The following NRG2 variants were observed in gnomAD, a reference collection of about 807,000 sequenced individuals.
The protein encoded by NRG2 is neuregulin 2, also known as pro-neuregulin-2, membrane-bound isoform.
In NRG2, 27 loss-of-function variants were observed where a neutral mutation model predicts 73.9. The ratio of observed to expected loss-of-function variants is 0.37; its 90% CI spans 0.27 to 0.50. The LOEUF (loss-of-function observed/expected upper bound fraction) is 0.50. Ranked by LOEUF, NRG2 falls within the 20% of genes least tolerant of loss-of-function variation. The pLI, the probability that NRG2 is intolerant of heterozygous loss-of-function variation, is 0.96. For synonymous variants in NRG2, 532 were observed against 541.0 expected, an observed-to-expected ratio of 0.98 and a Z score of 0.23; for missense variants, 1,126 against 1,210.1, an observed-to-expected ratio of 0.93 and a Z score of 1.03.
At chr5:139,990,273 A>ATATTT (rs56983805) in intron 1 of NRG2, among the ~76,000 whole-genome samples, 7,571 of 145,894 alleles carry the variant, frequency 0.052, 247 homozygotes, top group Admixed American at 0.073. Flanking sequence ...CCCACTAGCA[A>ATATTT]TATTTTATTT....
rs1759142301 is a variant in NRG2, at chr5:140,008,953, G to A, written c.700+33417C>T. 6.6e-6 allele frequency among the ~76,000 whole-genome samples: 1 copy of A among 152,200 alleles called. No homozygotes were observed. Among genetic ancestry groups the A allele is most frequent in the African/African-American group, 2.4e-5 (1 of 41,446 alleles). ...ACCTCCCAGGGTTGTTGCAAGGACTGAGTGAGAGACAAAACAATTACACAG... is the reference window on the plus strand; with the variant it reads ...ACCTCCCAGGGTTGTTGCAAGGACTAAGTGAGAGACAAAACAATTACACAG... On this transcript the variant is annotated intron_variant, in intron 1 of 9. Transcript: ENST00000361474. The surrounding 1 kb of genome is among the most constrained non-coding windows in gnomAD (Gnocchi z 4.2).
At chr5:139,848,779 G>GGGGGGGC in intron 9 of NRG2, 82 bp from the exon 10 acceptor site, 3 of 198,602 alleles carry the variant, frequency 1.5e-5, no homozygotes, top group Non-Finnish European at 2.0e-5. Flanking sequence ...GGTAGGGTGG[G>GGGGGGGC]AGGGGCGGAC....
chr5:139,981,187 G>A (rs1223886488), intron 1 of NRG2, among the ~76,000 whole-genome samples: 2 of 152,202 alleles, frequency 1.3e-5, no homozygotes, highest in Admixed American at 6.5e-5. Flanking sequence ...AGTGCAGAGC[G>A]ATTGCTCACA....
chr5:139,883,513 G>A (rs1043546703), intron 2 of NRG2, among the ~76,000 whole-genome samples: 1 of 152,112 alleles, frequency 6.6e-6, no homozygotes, highest in African/African-American at 2.4e-5. Context: ...TCTGAGGAGG[G>A]GTCTCTACAG....
rs1473400791 is a variant in NRG2, at chr5:139,856,172, A to G, written c.1190-394T>C. 2 of 218,526 alleles carry G rather than the reference A, an allele frequency of 9.2e-6. No individual in the cohort carries two copies. The highest frequency in any genetic ancestry group is 4.4e-5 in the African/African-American group (2 of 45,528). 13.5% of individuals were successfully genotyped at this position (218,526 alleles called of 1,614,324 possible). A position where few individuals can be genotyped will look rare whatever the true frequency, so the allele number is the denominator to read the frequency against. ...CTGCCCTGCTCCACAGTGGCCTGGT[A>G]GCTGCAAAGAACCTTGGTGGGCCAA... On this transcript the variant is annotated intron_variant, in intron 5 of 9. Coordinates refer to ENST00000361474, the MANE Select transcript of NRG2 (RefSeq NM_004883.3). This position sits in a 1 kb window ranked among gnomAD's most constrained non-coding sequence, Gnocchi z 4.2.
chr5:139,884,952 A>G (rs1369472818), intron 2 of NRG2, among the ~76,000 whole-genome samples: 2 of 152,024 alleles, frequency 1.3e-5, no homozygotes, highest in Non-Finnish European at 2.9e-5. Context: ...ACAAAGGGTC[A>G]GGGGTTGAGC....
intron 1 of NRG2, among the ~76,000 whole-genome samples, chr5:139,909,728 A>G (rs755768996): frequency 6.6e-6 from 1 of 152,200 alleles, no homozygotes; most frequent in Non-Finnish European, 1.5e-5. Context: ...AGAAATTCCC[A>G]GTTATCCAGA....
In NRG2 at chr5:139,894,775, G is replaced by A. The variant is rs774905126; in HGVS notation, c.701-7264C>T. On this transcript the variant is annotated intron_variant, in intron 1 of 9. Transcript: ENST00000361474. This position sits in a 1 kb window ranked among gnomAD's most constrained non-coding sequence, Gnocchi z 5.0. Reference sequence around the variant, plus strand: ...GGGATTTGGTGCCAAATAAGACATGGCCCTGGTGTCGGGTTGGTCTCTGCC... The same window carrying A: ...GGGATTTGGTGCCAAATAAGACATGACCCTGGTGTCGGGTTGGTCTCTGCC... Among the ~76,000 whole-genome samples the A allele has an allele frequency of 1.3e-5, 2 of 152,172 alleles. No homozygotes were observed. Among genetic ancestry groups the A allele is most frequent in the Non-Finnish European group, 2.9e-5 (2 of 68,036 alleles).
rs1019604994 is a variant in NRG2 at position 139,899,775 on chromosome 5, A to G, written c.701-12264T>C. 5.9e-5 allele frequency among the ~76,000 whole-genome samples: 9 copies of G among 152,326 alleles called. No homozygotes were observed. In the East Asian group the frequency reaches 1.5e-3, roughly 26 times the overall value. On this transcript the variant is annotated intron_variant, in intron 1 of 9. Coordinates refer to ENST00000361474, the MANE Select transcript of NRG2 (RefSeq NM_004883.3). ...GAGGGCCTGCTCCAAGTGGACCAAC[A>G]GAGATCCTCTGCCTCTCCCTGGTTT...
At chr5:139,988,396 G>T (rs114649826) in intron 1 of NRG2, among the ~76,000 whole-genome samples, 1 of 152,000 alleles carries the variant, frequency 6.6e-6, no homozygotes, top group Non-Finnish European at 1.5e-5. Flanking sequence ...GAAAGCAACC[G>T]AGTTGGCCTT....
chr5:139,941,510 C>A (rs998319934), intron 1 of NRG2, among the ~76,000 whole-genome samples: 1 of 152,004 alleles, frequency 6.6e-6, no homozygotes, highest in African/African-American at 2.4e-5. Flanking sequence ...TTGAAAATGT[C>A]TTTTTCATAC....
At chr5:139,898,438 C>T (rs1764685803) in intron 1 of NRG2, among the ~76,000 whole-genome samples, 1 of 152,210 alleles carries the variant, frequency 6.6e-6, no homozygotes, top group Non-Finnish European at 1.5e-5. Flanking sequence ...GCCTCAGTTT[C>T]TCCATCTTTA....
At chr5:139,925,537 C>A (rs1465163362) in intron 1 of NRG2, among the ~76,000 whole-genome samples, 1 of 152,224 alleles carries the variant, frequency 6.6e-6, no homozygotes, top group East Asian at 1.9e-4. Context: ...GGGTTCAGTT[C>A]TTTCCTGGTA....
chr5:139,906,915 A>G (rs1232528038), intron 1 of NRG2, among the ~76,000 whole-genome samples: 1 of 152,226 alleles, frequency 6.6e-6, no homozygotes, highest in Non-Finnish European at 1.5e-5. Context: ...TGGCAGAAGT[A>G]TCAGCACATC....
chr5:140,022,763 A>C (rs150434735), intron 1 of NRG2, among the ~76,000 whole-genome samples: 1 of 152,366 alleles, frequency 6.6e-6, no homozygotes, highest in East Asian at 1.9e-4. Context: ...TGTTTAGAAC[A>C]GTGCCAAGTA....
chr5:139,992,257 C>T (rs192129247), intron 1 of NRG2, among the ~76,000 whole-genome samples: 129 of 152,184 alleles, frequency 8.5e-4, no homozygotes, highest in Middle Eastern at 3.4e-3. Flanking sequence ...ATTTTAAATG[C>T]GTCTGCTCTT....
chr5:139,872,206 G>A (rs536645249), intron 3 of NRG2, among the ~76,000 whole-genome samples: 2 of 152,316 alleles, frequency 1.3e-5, no homozygotes, highest in East Asian at 1.9e-4. Context: ...CCCTGCAAGT[G>A]GTTGAAATGC....
At chr5:140,000,788 T>G (rs537048823) in intron 1 of NRG2, among the ~76,000 whole-genome samples, 1 of 152,314 alleles carries the variant, frequency 6.6e-6, no homozygotes, top group East Asian at 1.9e-4. Flanking sequence ...GGAGCGGCCA[T>G]AGATTCCTAT....
rs34122778 is a variant in NRG2, at chr5:140,029,687, C to CAAAAAAAAAAAAAAAAAAAAAAAAAAA, written c.700+12682_700+12683insTTTTTTTTTTTTTTTTTTTTTTTTTTT. 4.1e-4 allele frequency among the ~76,000 whole-genome samples: 25 copies of CAAAAAAAAAAAAAAAAAAAAAAAAAAA among 61,284 alleles called. 1 individual carries two copies. Among genetic ancestry groups the CAAAAAAAAAAAAAAAAAAAAAAAAAAA allele is most frequent in the East Asian group, 1.0e-3 (2 of 1,960 alleles). 40.2% of individuals were successfully genotyped at this position (61,284 alleles called of 152,430 possible). Reference sequence around the variant, plus strand: ...TGGGTGACAGAGCAAGACTCTGTCTCAAAAAAAAAAAAAAAAGCTCCAGCG... The same window carrying CAAAAAAAAAAAAAAAAAAAAAAAAAAA: ...TGGGTGACAGAGCAAGACTCTGTCTCAAAAAAAAAAAAAAAAAAAAAAAAAAAAAAAAAAAAAAAAAAAGCTCCAGCG... On this transcript the variant is annotated intron_variant, in intron 1 of 9. Transcript: ENST00000361474.
Sources: allele counts gnomAD v4.1 joint callset (sites outside exome capture counted in the v4.1 genomes callset), GRCh38; gene constraint gnomAD v4.1.1; non-coding constraint Gnocchi (gnomAD v3.1); transcripts MANE v1.5; gene names NCBI Gene and HGNC (gene_info 2026-07-23, HGNC 2026-07-21).